Variants in TNNI3K observed in about 807,000 individuals in gnomAD.
TNNI3K encodes the protein serine/threonine-protein kinase TNNI3K.
TNNI3K carries 140 observed loss-of-function variants against 114.5 expected under a neutral mutation model. The ratio of observed to expected loss-of-function variants is 1.22; its 90% CI spans 1.07 to 1.41. The LOEUF is 1.41. Among genes scored for constraint, TNNI3K ranks in the 40% most tolerant of loss-of-function variants. The pLI is 0.00. For missense variants in TNNI3K, 1,125 were observed against 1,007.6 expected (o/e 1.12, Z -1.58); for synonymous variants, 347 against 347.5 (o/e 1.00, Z 0.02).
intron 17 of TNNI3K, among the ~76,000 whole-genome samples, chr1:74,412,057 A>G (rs142398360): frequency 5.6e-4 from 86 of 152,312 alleles, no homozygotes; most frequent in African/African-American, 2.0e-3. Context: ...ACATAGCTAC[A>G]AAAAAGGTAG....
At chr1:74,417,677 CGTGTTT>C (rs1458094352) in intron 17 of TNNI3K, among the ~76,000 whole-genome samples, 4 of 78,030 alleles carry the variant, frequency 5.1e-5, no homozygotes, top group African/African-American at 2.3e-4. Context: ...GAAAAGTGTA[CGTGTTT>C]GTGTGTGTGT....
intron 17 of TNNI3K, among the ~76,000 whole-genome samples, chr1:74,392,823 GTTTAA>G (rs1663861673): frequency 6.6e-6 from 1 of 152,216 alleles, no homozygotes; most frequent in Non-Finnish European, 1.5e-5. Context: ...TTAATGAGAT[GTTTAA>G]TTTGAGGTTT....
intron 23 of TNNI3K, among the ~76,000 whole-genome samples, chr1:74,537,089 G>T (rs890435494): frequency 1.3e-5 from 2 of 152,136 alleles, no homozygotes; most frequent in Admixed American, 1.3e-4. Context: ...TGGGCAAAAA[G>T]GTTAAGTCGT....
chr1:74,482,941 A>T (rs982883541), intron 21 of TNNI3K, among the ~76,000 whole-genome samples: 5 of 152,224 alleles, frequency 3.3e-5, no homozygotes, highest in Non-Finnish European at 7.3e-5. Context: ...AGCTGGTGGT[A>T]GAGTTCAAAT....
chr1:74,525,750 A>G (rs1407835424), intron 23 of TNNI3K, among the ~76,000 whole-genome samples: 1 of 152,156 alleles, frequency 6.6e-6, no homozygotes, highest in Admixed American at 6.5e-5. Context: ...CAGCATCCAC[A>G]GTCATGGTCT....
intron 6 of TNNI3K, 146 bp downstream of exon 6, chr1:74,331,694 G>A (rs1660214423): frequency 4.8e-6 from 3 of 622,178 alleles, no homozygotes; most frequent in South Asian, 6.7e-5. Flanking sequence ...TGAGGAGCTT[G>A]TAGATCCATA....
chr1:74,536,955 G>A (rs1646667467), intron 23 of TNNI3K, among the ~76,000 whole-genome samples: 1 of 152,166 alleles, frequency 6.6e-6, no homozygotes, highest in Non-Finnish European at 1.5e-5. Flanking sequence ...ATGCACATGG[G>A]TGGAAACAGC....
chr1:74,249,783 G>A (rs1290139527), intron 3 of TNNI3K, among the ~76,000 whole-genome samples: 1 of 152,086 alleles, frequency 6.6e-6, no homozygotes, highest in African/African-American at 2.4e-5. Flanking sequence ...CCCTCAGTTT[G>A]CTTGGAAATC....
Position 74,279,592 on chromosome 1 carries a change from C to CAATG in TNNI3K, c.444+7904_444+7907dup, listed in dbSNP as rs56037474. On this transcript the variant is annotated intron_variant, in intron 5 of 24. Coordinates refer to ENST00000326637, the MANE Select transcript of TNNI3K (RefSeq NM_015978.3). ...GATATCTGAGGAAGATAAATAGAAA[C>CAATG]AATGAATGAATGAATGAATGAATAG... Among the ~76,000 whole-genome samples, 584 of 151,608 alleles carry CAATG rather than the reference C, an allele frequency of 3.9e-3. 4 individuals are homozygous for CAATG. Among genetic ancestry groups the CAATG allele is most frequent in the South Asian group, 0.026 (126 of 4,812 alleles).
chr1:74,237,474 C>T (rs1653927725), intron 2 of TNNI3K, among the ~76,000 whole-genome samples: 1 of 151,900 alleles, frequency 6.6e-6, no homozygotes, highest in African/African-American at 2.4e-5. Context: ...AGAGATTTTC[C>T]TCAACTTTTA....
intron 5 of TNNI3K, among the ~76,000 whole-genome samples, chr1:74,318,988 A>G (rs1659465321): frequency 6.6e-6 from 1 of 152,238 alleles, no homozygotes; most frequent in South Asian, 2.1e-4. Context: ...GTTATATAAA[A>G]CATCACCCCA....
chr1:74,381,136 G>T (rs2100548460), intron 17 of TNNI3K, among the ~76,000 whole-genome samples: 1 of 152,086 alleles, frequency 6.6e-6, no homozygotes, highest in East Asian at 1.9e-4. Context: ...ATCTTCTCTG[G>T]CTGGGACTAC....
intron 17 of TNNI3K, among the ~76,000 whole-genome samples, chr1:74,384,977 A>G (rs1272747938): frequency 6.6e-6 from 1 of 152,122 alleles, no homozygotes. Flanking sequence ...TTCTACTCAT[A>G]TTAGTAAAAC....
At chr1:74,257,523 G>A (rs551766909) in intron 4 of TNNI3K, among the ~76,000 whole-genome samples, 16 of 151,514 alleles carry the variant, frequency 1.1e-4, no homozygotes, top group Non-Finnish European at 1.9e-4. Context: ...AGAATGTTGA[G>A]TTTTTTTTAT....
rs971742025 is a variant in TNNI3K, at chr1:74,327,674, TATA to T, written c.445-3773_445-3771del. Among the ~76,000 whole-genome samples the T allele has an allele frequency of 1.1e-3, 154 of 145,896 alleles. 1 individual carries two copies. The highest frequency in any genetic ancestry group is 3.7e-3 in the African/African-American group (148 of 40,454). ...ATATATCAGTACTATTATTATTAAATATAATCATATATTTATATAAATATATAT... is the reference window on the plus strand; with the variant it reads ...ATATATCAGTACTATTATTATTAAATATCATATATTTATATAAATATATAT... On this transcript the variant is annotated intron_variant, in intron 5 of 24. Coordinates refer to ENST00000326637, the MANE Select transcript of TNNI3K (RefSeq NM_015978.3).
intron 5 of TNNI3K, among the ~76,000 whole-genome samples, chr1:74,331,048 G>A (rs1660172605): frequency 6.6e-6 from 1 of 152,128 alleles, no homozygotes; most frequent in Non-Finnish European, 1.5e-5. Flanking sequence ...GGAAATTGAG[G>A]AAATCTGGGA....
At chr1:74,412,149 G>A (rs576715629) in intron 17 of TNNI3K, among the ~76,000 whole-genome samples, 34 of 152,228 alleles carry the variant, frequency 2.2e-4, no homozygotes, top group Admixed American at 2.0e-3. Context: ...TAACAGTGGG[G>A]AGCTGGGCTC....
At chr1:74,286,024 A>G (rs1295343059) in intron 5 of TNNI3K, among the ~76,000 whole-genome samples, 1 of 152,236 alleles carries the variant, frequency 6.6e-6, no homozygotes, top group African/African-American at 2.4e-5. Context: ...CCTTCACAAG[A>G]GCTAAGAAAT....
At chr1:74,426,863 T>C (rs1380036986) in intron 17 of TNNI3K, among the ~76,000 whole-genome samples, 1 of 152,060 alleles carries the variant, frequency 6.6e-6, no homozygotes, top group African/African-American at 2.4e-5. Context: ...CATCTGTATC[T>C]CCACATTTCA....
Sources: gnomAD v4.1 joint callset for allele counts (sites outside exome capture counted in the v4.1 genomes callset) on GRCh38, gnomAD v4.1.1 for gene constraint, MANE v1.5 for transcripts, NCBI Gene and HGNC (gene_info 2026-07-23, HGNC 2026-07-21) for gene names.